The following ENTREP2 variants were observed in gnomAD, a reference collection of about 807,000 sequenced individuals.
ENTREP2 encodes endosomal transmembrane epsin interactor 2, also known as protein ENTREP2.
chr15:29,350,857 C>T, the ENTREP2 span, among the ~76,000 whole-genome samples: 2 of 152,166 alleles, frequency 1.3e-5, no homozygotes, highest in Non-Finnish European at 2.9e-5. Flanking sequence ...GCAGGGCAAT[C>T]GCTTGACCCA....
chr15:29,644,789 C>G, the ENTREP2 span, among the ~76,000 whole-genome samples: 1 of 133,212 alleles, frequency 7.5e-6, no homozygotes, highest in Admixed American at 8.6e-5. Flanking sequence ...GGCAACAGAG[C>G]GAGACTCCAA....
At chr15:29,236,470 A>G in the ENTREP2 span, among the ~76,000 whole-genome samples, 1 of 151,902 alleles carries the variant, frequency 6.6e-6, no homozygotes, top group African/African-American at 2.4e-5. Flanking sequence ...ACATAGTGAG[A>G]CTTCTCTCTA....
chr15:29,396,198 C>T, the ENTREP2 span, among the ~76,000 whole-genome samples: 3 of 152,136 alleles, frequency 2.0e-5, no homozygotes, highest in Admixed American at 6.5e-5. Flanking sequence ...CTGTACATTA[C>T]GTCTCCAGAA....
chr15:29,224,925 G>T, the ENTREP2 span, among the ~76,000 whole-genome samples: 49,688 of 152,054 alleles, frequency 0.33, 9,591 homozygotes, highest in East Asian at 0.6. Context: ...CTGCAGGTCC[G>T]GAGCCCTGCC....
the ENTREP2 span, among the ~76,000 whole-genome samples, chr15:29,421,763 TTAAGCCAAAA>T: frequency 6.6e-6 from 1 of 152,208 alleles, no homozygotes. Flanking sequence ...CTCTCCTAAA[TTAAGCCAAAA>T]CTCCCAGATC....
chr15:29,651,319 A>G, the ENTREP2 span, among the ~76,000 whole-genome samples: 1 of 152,188 alleles, frequency 6.6e-6, no homozygotes, highest in African/African-American at 2.4e-5. Flanking sequence ...CACTCCTTCA[A>G]CCTAGATATT....
the ENTREP2 span, chr15:29,269,076 G>A: frequency 9.3e-6 from 15 of 1,614,122 alleles, no homozygotes; most frequent in Non-Finnish European, 1.2e-5. Flanking sequence ...AATGCTTCTT[G>A]GTGGGGTAGA....
the ENTREP2 span, among the ~76,000 whole-genome samples, chr15:29,155,813 G>A: frequency 6.6e-6 from 1 of 152,152 alleles, no homozygotes; most frequent in Non-Finnish European, 1.5e-5. Context: ...CCTACACTGT[G>A]TTCATTTTGG....
the ENTREP2 span, among the ~76,000 whole-genome samples, chr15:29,546,894 AAAACAACAAC>A: frequency 0.13 from 9,198 of 68,382 alleles, 690 homozygotes; most frequent in East Asian, 0.29. Context: ...CTCAAAAAAA[AAAACAACAAC>A]AAAAAAAAAA....
the ENTREP2 span, among the ~76,000 whole-genome samples, chr15:29,193,102 C>T: frequency 1.0e-3 from 153 of 152,248 alleles, no homozygotes; most frequent in African/African-American, 3.6e-3. Flanking sequence ...GCGGTCTAGT[C>T]AGTGTAATAA....
the ENTREP2 span, among the ~76,000 whole-genome samples, chr15:29,345,805 C>T: frequency 3.9e-5 from 6 of 152,222 alleles, no homozygotes; most frequent in East Asian, 1.2e-3. Flanking sequence ...GGACTTGAGG[C>T]CCCTCCTATC....
chr15:29,397,227 T>C, the ENTREP2 span, among the ~76,000 whole-genome samples: 4 of 151,872 alleles, frequency 2.6e-5, no homozygotes, highest in South Asian at 6.2e-4. Context: ...CTGTCTCCAC[T>C]AAAAATACAA....
chr15:29,323,747 G>A, the ENTREP2 span, among the ~76,000 whole-genome samples: 2 of 152,048 alleles, frequency 1.3e-5, no homozygotes, highest in Non-Finnish European at 2.9e-5. Flanking sequence ...AGCATCTGGT[G>A]GCCACTCCCT....
the ENTREP2 span, among the ~76,000 whole-genome samples, chr15:29,223,155 C>T: frequency 3.3e-5 from 5 of 152,170 alleles, no homozygotes; most frequent in African/African-American, 4.8e-5. Context: ...TTAAAGTTTA[C>T]TTTCTTTTAT....
the ENTREP2 span, among the ~76,000 whole-genome samples, chr15:29,552,267 AT>A: frequency 6.6e-6 from 1 of 152,168 alleles, no homozygotes; most frequent in African/African-American, 2.4e-5. Flanking sequence ...TAATTTTTTC[AT>A]TTTTCATAGC....
At chr15:29,422,965 G>A in the ENTREP2 span, among the ~76,000 whole-genome samples, 1 of 152,182 alleles carries the variant, frequency 6.6e-6, no homozygotes, top group African/African-American at 2.4e-5. Flanking sequence ...ATAATTTCGG[G>A]ATAGGTGAGT....
chr15:29,662,764 A>G, the ENTREP2 span, among the ~76,000 whole-genome samples: 1 of 151,912 alleles, frequency 6.6e-6, no homozygotes, highest in East Asian at 1.9e-4. Flanking sequence ...CGTGTTGCCC[A>G]GGCTGGAGTG....
the ENTREP2 span, among the ~76,000 whole-genome samples, chr15:29,348,891 T>C: frequency 2.0e-5 from 3 of 152,372 alleles, no homozygotes; most frequent in Non-Finnish European, 2.9e-5. Flanking sequence ...TTTCATAGAA[T>C]TGTGGCCTAA....
At chr15:29,278,633 C>A in the ENTREP2 span, among the ~76,000 whole-genome samples, 1 of 152,164 alleles carries the variant, frequency 6.6e-6, no homozygotes, top group Non-Finnish European at 1.5e-5. Context: ...TTGCTACTTG[C>A]CACCTCATAC....
Sources: allele counts gnomAD v4.1 joint callset (sites outside exome capture counted in the v4.1 genomes callset), GRCh38; gene constraint gnomAD v4.1.1; transcripts MANE v1.5; gene names NCBI Gene and HGNC (gene_info 2026-07-23, HGNC 2026-07-21).